TASP1: variants seen among roughly 807,000 people sequenced by gnomAD.
TASP1 encodes taspase 1.
TASP1 carries 16 observed loss-of-function variants against 56.6 expected under a neutral mutation model. The observed-to-expected ratio is 0.28, with a 90% CI of 0.19 to 0.43. The LOEUF is 0.43. TASP1 is among the 20% of genes least tolerant of loss of function. TASP1 has a pLI of 1.00. For missense variants in TASP1, 393 were observed against 511.6 expected (o/e 0.77, Z 2.24); for synonymous variants, 179 against 184.2 (o/e 0.97, Z 0.23).
chr20:13,511,025 G>C (rs961241968), intron 10 of TASP1, among the ~76,000 whole-genome samples: 1 of 151,854 alleles, frequency 6.6e-6, no homozygotes, highest in African/African-American at 2.4e-5. Flanking sequence ...TAACCCATAC[G>C]CATGTCCTGT....
chr20:13,263,545 G>A, the TASP1 span, among the ~76,000 whole-genome samples: 3 of 152,064 alleles, frequency 2.0e-5, no homozygotes, highest in South Asian at 2.1e-4. Flanking sequence ...TCTTCAAATG[G>A]CAAAACTTTT....
At chr20:13,431,982 T>C (rs548051014) in intron 12 of TASP1, among the ~76,000 whole-genome samples, 1 of 152,312 alleles carries the variant, frequency 6.6e-6, no homozygotes, top group East Asian at 1.9e-4. Context: ...TCCATGACTG[T>C]AAGAAATAAA....
intron 10 of TASP1, among the ~76,000 whole-genome samples, chr20:13,509,841 T>C (rs2044262857): frequency 1.3e-5 from 2 of 152,170 alleles, no homozygotes. Context: ...TTGGACAGGC[T>C]GGTCTCAAAC....
the TASP1 span, among the ~76,000 whole-genome samples, chr20:13,253,563 G>A: frequency 4.6e-5 from 7 of 152,150 alleles, no homozygotes; most frequent in South Asian, 4.1e-4. Context: ...GAGGTTCTCA[G>A]ATGTGAGCCT....
intron 1 of TASP1, among the ~76,000 whole-genome samples, chr20:13,638,481 TTAC>T (rs2049393762): frequency 6.6e-6 from 1 of 151,976 alleles, no homozygotes; most frequent in East Asian, 1.9e-4. Context: ...CAGGCCTCTA[TTAC>T]TAAGTAAGGG....
At chr20:13,346,541 C>T in the TASP1 span, among the ~76,000 whole-genome samples, 32 of 152,294 alleles carry the variant, frequency 2.1e-4, no homozygotes, top group Middle Eastern at 6.8e-3. Context: ...GCAGAGATTC[C>T]GCCCACAGCA....
the TASP1 span, among the ~76,000 whole-genome samples, chr20:13,252,669 C>T: frequency 3.3e-5 from 5 of 152,022 alleles, no homozygotes; most frequent in African/African-American, 1.2e-4. Context: ...GCAGGAGAAT[C>T]GCTTGAACAC....
At chr20:13,288,653 T>A in the TASP1 span, 1 of 1,613,984 alleles carries the variant, frequency 6.2e-7, no homozygotes. Flanking sequence ...TGCAACAGAA[T>A]CGAGGACCTG....
chr20:13,467,494 G>A (rs578183108), intron 11 of TASP1, among the ~76,000 whole-genome samples: 1 of 151,512 alleles, frequency 6.6e-6, no homozygotes, highest in Admixed American at 6.6e-5. Flanking sequence ...TTGACCAAAG[G>A]AGCTAATTTT....
At chr20:13,438,512 G>C (rs2043096175) in intron 11 of TASP1, among the ~76,000 whole-genome samples, 1 of 152,092 alleles carries the variant, frequency 6.6e-6, no homozygotes. Flanking sequence ...ATTCAAGATG[G>C]ATTAAAGACT....
intron 13 of TASP1, among the ~76,000 whole-genome samples, chr20:13,392,465 G>C (rs1451358649): frequency 6.6e-6 from 1 of 152,134 alleles, no homozygotes; most frequent in African/African-American, 2.4e-5. Flanking sequence ...GTCGGTTTTG[G>C]GCAGAAGCTT....
At chr20:13,444,018 T>C (rs1424320161) in intron 11 of TASP1, among the ~76,000 whole-genome samples, 1 of 152,216 alleles carries the variant, frequency 6.6e-6, no homozygotes, top group Non-Finnish European at 1.5e-5. Flanking sequence ...TGGTGCTGTA[T>C]TCTTGAACAA....
chr20:13,237,786 A>G, the TASP1 span: 5 of 152,326 alleles, frequency 3.3e-5, no homozygotes, highest in East Asian at 9.6e-4. Flanking sequence ...TTCACTGGGA[A>G]AGATTACCCA....
chr20:13,361,578 C>A, the TASP1 span, among the ~76,000 whole-genome samples: 166 of 152,284 alleles, frequency 1.1e-3, no homozygotes, highest in African/African-American at 3.5e-3. Flanking sequence ...AGGGTACAGC[C>A]CATTTAAGCT....
chr20:13,116,659 G>C, the TASP1 span, among the ~76,000 whole-genome samples: 59 of 152,230 alleles, frequency 3.9e-4, no homozygotes, highest in African/African-American at 1.4e-3. Flanking sequence ...CACAGGACTT[G>C]AAGTGCTTTT....
chr20:13,330,548 G>C, the TASP1 span, among the ~76,000 whole-genome samples: 2 of 152,154 alleles, frequency 1.3e-5, no homozygotes, highest in Non-Finnish European at 2.9e-5. Context: ...GAAAGCTTTG[G>C]CTCTTCCTTT....
rs549156810 is a variant in TASP1, at chr20:13,579,480, T to C, written c.488+1417A>G. ...GCCTCCTGGGTTCACACCATTCTCC[T>C]GCCTCAACCTCTAGCTGGGACTACA... On this transcript the variant is annotated intron_variant, in intron 6 of 13. Coordinates refer to ENST00000337743, the MANE Select transcript of TASP1 (RefSeq NM_017714.3). 1.3e-3 allele frequency among the ~76,000 whole-genome samples: 202 copies of C among 152,226 alleles called. 1 individual carries two copies. The highest frequency in any genetic ancestry group is 2.2e-3 in the Non-Finnish European group (152 of 67,996).
chr20:13,433,352 G>T (rs1200717082), intron 12 of TASP1, among the ~76,000 whole-genome samples: 1 of 152,026 alleles, frequency 6.6e-6, no homozygotes, highest in Non-Finnish European at 1.5e-5. Context: ...CAACCAGGTT[G>T]GGTTTAACTA....
Position 13,439,622 on chromosome 20 carries a change from G to A in TASP1, c.986-4468C>T, listed in dbSNP as rs559276972. ...GTATACATATGTAACTAACCTGCATGTTGTGCACATGTACCCTAAAACTTA... is the reference window on the plus strand; with the variant it reads ...GTATACATATGTAACTAACCTGCATATTGTGCACATGTACCCTAAAACTTA... On this transcript the variant is annotated intron_variant, in intron 11 of 13. Coordinates refer to ENST00000337743, the MANE Select transcript of TASP1 (RefSeq NM_017714.3). Among the ~76,000 whole-genome samples, 8 of 152,150 alleles carry A rather than the reference G, an allele frequency of 5.3e-5. No homozygotes were observed. The South Asian group carries it at 1.5e-3, about 28-fold the overall frequency.
Sources: gnomAD v4.1 joint callset for allele counts (sites outside exome capture counted in the v4.1 genomes callset) on GRCh38, gnomAD v4.1.1 for gene constraint, MANE v1.5 for transcripts, NCBI Gene and HGNC (gene_info 2026-07-23, HGNC 2026-07-21) for gene names.